The following DDX31 variants were observed in gnomAD, a reference collection of about 807,000 sequenced individuals.
The protein encoded by DDX31 is DEAD-box helicase 31.
A neutral mutation model predicts 91.3 loss-of-function variants in DDX31; 70 were observed. The ratio of observed to expected loss-of-function variants is 0.77; its 90% CI spans 0.63 to 0.94. DDX31 has a LOEUF of 0.94. Ranked by LOEUF, DDX31 falls within the 40% of genes least tolerant of loss-of-function variation. DDX31 has a pLI of 0.00. For missense variants in DDX31, 902 were observed against 925.0 expected (o/e 0.98, Z 0.32); for synonymous variants, 362 against 350.6 (o/e 1.03, Z -0.36).
At position 132,669,860 on chromosome 9, in the gene DDX31, C is replaced by G. The variant is rs772123280; in HGVS notation, c.75G>C (p.Arg25=). The change falls in exon 1 of 20, where the codon CGG becomes CGC. Residue 25 remains arginine, a splice_region_variant and synonymous_variant. Transcript: ENST00000372159. ...FSRRPPAQAS[R]QAKATKRKYQ... ...GAGCTGAAGCCGGGTCAGAACTCAC[C>G]CGACTCGCCTGGGCTGGGGGACGTC... 31 of 1,582,330 alleles carry G rather than the reference C, an allele frequency of 2.0e-5. No homozygotes were observed. Among genetic ancestry groups the G allele is most frequent in the Non-Finnish European group, 2.7e-5 (31 of 1,166,118 alleles).
chr9:132,637,945 C>A, intron 14 of DDX31: 1 of 1,008,964 alleles, frequency 9.9e-7, no homozygotes, highest in Non-Finnish European at 1.2e-6. Flanking sequence ...CTCCTAGCCT[C>A]CTGGCACGGT....
intron 1 of DDX31, among the ~76,000 whole-genome samples, chr9:132,666,880 A>C (rs1042359598): frequency 6.6e-6 from 1 of 151,926 alleles, no homozygotes; most frequent in Admixed American, 6.6e-5. Context: ...CACCCGGCTA[A>C]TTTTTTGTAT....
At chr9:132,624,406 T>C (rs1320752557) in intron 17 of DDX31, among the ~76,000 whole-genome samples, 8 of 152,158 alleles carry the variant, frequency 5.3e-5, no homozygotes, top group Non-Finnish European at 1.2e-4. Flanking sequence ...GCTTTTATTG[T>C]TCACAGGGAT....
At chr9:132,667,551 A>C (rs1263154113) in intron 1 of DDX31, among the ~76,000 whole-genome samples, 1 of 152,066 alleles carries the variant, frequency 6.6e-6, no homozygotes, top group Non-Finnish European at 1.5e-5. Flanking sequence ...TGCAGTGAGC[A>C]GAGATCGCGC....
At chr9:132,649,974 T>C (rs1834077896) in intron 9 of DDX31, among the ~76,000 whole-genome samples, 1 of 152,166 alleles carries the variant, frequency 6.6e-6, no homozygotes. Context: ...TATAGAGCAT[T>C]GGGTAGGTGG....
At chr9:132,662,220 A>G (rs767231793) in intron 3 of DDX31, 41 bp downstream of exon 3, 2 of 1,605,960 alleles carry the variant, frequency 1.2e-6, no homozygotes, top group African/African-American at 1.3e-5. Context: ...GGACAAACAC[A>G]CCAAAAAAAA....
intron 6 of DDX31, chr9:132,658,111 A>G: frequency 1.8e-6 from 1 of 560,588 alleles, no homozygotes; most frequent in South Asian, 2.6e-5. Flanking sequence ...ACCTTTATTG[A>G]GTGACCATTC....
At chr9:132,636,677 G>A (rs536037255) in intron 14 of DDX31, among the ~76,000 whole-genome samples, 1 of 152,234 alleles carries the variant, frequency 6.6e-6, no homozygotes, top group African/African-American at 2.4e-5. Flanking sequence ...ACAATCTTCC[G>A]GTCTCCCACT....
intron 2 of DDX31, 40 bp downstream of exon 2, chr9:132,662,399 C>T (rs747598684): frequency 4.3e-6 from 7 of 1,613,658 alleles, no homozygotes; most frequent in South Asian, 2.2e-5. Flanking sequence ...AGGCAGAACA[C>T]ATTTTTTTCT....
chr9:132,666,185 C>T (rs1272310930), intron 1 of DDX31, among the ~76,000 whole-genome samples: 1 of 152,146 alleles, frequency 6.6e-6, no homozygotes, highest in Non-Finnish European at 1.5e-5. Flanking sequence ...TTTTCCTAAG[C>T]AATTTGCAGT....
chr9:132,619,244 A>G (rs754157467), intron 17 of DDX31, among the ~76,000 whole-genome samples: 5 of 152,246 alleles, frequency 3.3e-5, no homozygotes, highest in Non-Finnish European at 5.9e-5. Flanking sequence ...TTTTGTCTCC[A>G]ATATCGTAAA....
intron 4 of DDX31, 121 bp downstream of exon 4, chr9:132,661,087 C>T (rs1019529686): frequency 2.2e-5 from 18 of 827,598 alleles, no homozygotes; most frequent in African/African-American, 1.9e-4. Context: ...CCTTTATGGT[C>T]GATAACCTGG....
intron 18 of DDX31, 146 bp downstream of exon 18, chr9:132,618,184 G>T (rs1374922467): frequency 3.6e-6 from 2 of 550,208 alleles, no homozygotes. Flanking sequence ...TCCAAACCCT[G>T]CAGAATTATG....
In DDX31 at chr9:132,595,147, C is replaced by G; in HGVS notation, c.1995-35G>C. ...AGTAACAGCAGAGAGGGAAAAGAAA[C>G]TTTATTATTTTTCTTTCCCATTTGG... is the stretch of plus-strand genomic sequence containing the variant. On this transcript the variant is annotated intron_variant, in intron 19 of 19. Coordinates refer to ENST00000372159, the MANE Select transcript of DDX31 (RefSeq NM_022779.9). The surrounding 1 kb of genome is among the most constrained non-coding windows in gnomAD (Gnocchi z 4.6). 2 of 1,585,320 alleles carry G rather than the reference C, an allele frequency of 1.3e-6. No individual in the cohort carries two copies. The highest frequency in any genetic ancestry group is 1.7e-6 in the Non-Finnish European group (2 of 1,165,204).
chr9:132,611,824 A>T (rs1831357586), intron 19 of DDX31, among the ~76,000 whole-genome samples: 1 of 152,008 alleles, frequency 6.6e-6, no homozygotes, highest in African/African-American at 2.4e-5. Context: ...CACATCTCGG[A>T]TGCTTTCCAG....
At chr9:132,655,154 T>A (rs978715426) in intron 6 of DDX31, among the ~76,000 whole-genome samples, 9 of 152,032 alleles carry the variant, frequency 5.9e-5, no homozygotes, top group African/African-American at 2.2e-4. Context: ...TGTAAAGAGG[T>A]TGTAGAATAT....
At chr9:132,637,523 G>C (rs191200934) in intron 14 of DDX31, among the ~76,000 whole-genome samples, 12 of 152,296 alleles carry the variant, frequency 7.9e-5, no homozygotes, top group Admixed American at 7.2e-4. Context: ...TTTACTAACA[G>C]GGAGAGGGGG....
intron 16 of DDX31, among the ~76,000 whole-genome samples, chr9:132,627,923 T>C (rs1225479450): frequency 6.6e-6 from 1 of 152,226 alleles, no homozygotes; most frequent in African/African-American, 2.4e-5. Flanking sequence ...ACATGCTTCC[T>C]CCTCAAAAAA....
At chr9:132,636,044 C>A (rs1003514158) in intron 14 of DDX31, among the ~76,000 whole-genome samples, 7 of 152,220 alleles carry the variant, frequency 4.6e-5, no homozygotes, top group Non-Finnish European at 8.8e-5. Context: ...ATCACTCCCC[C>A]AGAAGGACCA....
Sources: allele counts gnomAD v4.1 joint callset (sites outside exome capture counted in the v4.1 genomes callset), GRCh38; gene constraint gnomAD v4.1.1; non-coding constraint Gnocchi (gnomAD v3.1); transcripts MANE v1.5; gene names NCBI Gene and HGNC (gene_info 2026-07-23, HGNC 2026-07-21).